Variants in SETD3 observed in about 807,000 individuals in gnomAD.
SETD3 encodes the protein actin-histidine N-methyltransferase.
SETD3 carries 19 observed loss-of-function variants against 63.0 expected under a neutral mutation model. The ratio of observed to expected loss-of-function variants is 0.30; its 90% CI spans 0.21 to 0.44. The LOEUF is 0.44. SETD3 is among the 20% of genes least tolerant of loss of function. The pLI is 1.00. For missense variants in SETD3, 587 were observed against 728.5 expected (o/e 0.81, Z 2.24); for synonymous variants, 286 against 264.1 (o/e 1.08, Z -0.80).
At chr14:99,443,378 A>T (rs920633758) in intron 6 of SETD3, among the ~76,000 whole-genome samples, 5 of 148,440 alleles carry the variant, frequency 3.4e-5, no homozygotes, top group African/African-American at 5.0e-5. Context: ...CAGCCTCTTG[A>T]GTAGCTGGGA....
At chr14:99,407,388 C>G (rs941736572) in intron 8 of SETD3, among the ~76,000 whole-genome samples, 1 of 152,184 alleles carries the variant, frequency 6.6e-6, no homozygotes, top group African/African-American at 2.4e-5. Context: ...TTTGGACTTT[C>G]TTCCTCATTC....
In SETD3 at chr14:99,398,454, T is replaced by A. The variant is rs980660296; in HGVS notation, c.*225A>T. 7.7e-5 allele frequency: 41 copies of A among 531,344 alleles called. No homozygotes were observed. Among genetic ancestry groups the A allele is most frequent in the African/African-American group, 5.3e-4 (28 of 52,842 alleles). 32.9% of individuals were successfully genotyped at this position (531,344 alleles called of 1,614,324 possible). A position where few individuals can be genotyped will look rare whatever the true frequency, so the allele number is the denominator to read the frequency against. On this transcript the variant is annotated 3_prime_UTR_variant, in exon 13 of 13. Transcript: ENST00000331768. ...GGCACCTCTTCTCCCTTTCTTGTGG[T>A]TGTTTGTTAATTGGTTTGTTTTGCC...
chr14:99,423,606 A>AAAAAAAAAAAAAAAAAAC, intron 6 of SETD3, among the ~76,000 whole-genome samples: 1 of 146,928 alleles, frequency 6.8e-6, no homozygotes. Flanking sequence ...AAAAAAAAAA[A>AAAAAAAAAAAAAAAAAAC]AAAAAAAAGA....
chr14:99,452,929 C>G (rs1269996055), intron 6 of SETD3, among the ~76,000 whole-genome samples: 1 of 152,160 alleles, frequency 6.6e-6, no homozygotes, highest in Admixed American at 6.5e-5. Context: ...AATGGGAAAT[C>G]ACAGATAAAA....
At chr14:99,417,673 GAATCCCT>G (rs1372809214) in intron 6 of SETD3, among the ~76,000 whole-genome samples, 1 of 152,284 alleles carries the variant, frequency 6.6e-6, no homozygotes, top group East Asian at 1.9e-4. Flanking sequence ...ATTATTATGT[GAATCCCT>G]AATTCAGAAA....
chr14:99,455,084 T>G (rs1053575480), intron 6 of SETD3, among the ~76,000 whole-genome samples: 1 of 152,266 alleles, frequency 6.6e-6, no homozygotes, highest in Non-Finnish European at 1.5e-5. Flanking sequence ...GCAAATGAAC[T>G]ATACAATACA....
At chr14:99,404,375 T>C (rs1241081301) in intron 10 of SETD3, 65 bp from the exon 11 acceptor site, 1 of 1,416,786 alleles carries the variant, frequency 7.1e-7, no homozygotes, top group Non-Finnish European at 1.0e-6. Context: ...CAAACTGAGA[T>C]TCCTTAAGTC....
At chr14:99,474,831 A>AAAAT (rs199608028) in intron 1 of SETD3, among the ~76,000 whole-genome samples, 27 of 152,208 alleles carry the variant, frequency 1.8e-4, no homozygotes, top group African/African-American at 6.3e-4. Flanking sequence ...CTGTGTCTCA[A>AAAAT]AAATAAATAA....
intron 6 of SETD3, among the ~76,000 whole-genome samples, chr14:99,430,964 C>T (rs1426593730): frequency 6.6e-6 from 1 of 152,240 alleles, no homozygotes; most frequent in African/African-American, 2.4e-5. Flanking sequence ...TGAGTGCCTA[C>T]TGTGTGCCAG....
intron 1 of SETD3, among the ~76,000 whole-genome samples, chr14:99,476,017 T>C (rs1437885013): frequency 1.3e-5 from 2 of 152,252 alleles, no homozygotes; most frequent in Admixed American, 6.5e-5. Flanking sequence ...CTGTGTCCTA[T>C]GGAAGTTCTC....
intron 6 of SETD3, among the ~76,000 whole-genome samples, chr14:99,445,281 T>C (rs1015044322): frequency 6.6e-6 from 1 of 152,226 alleles, no homozygotes; most frequent in African/African-American, 2.4e-5. Context: ...CAAAGATCCA[T>C]CAGCACCAGC....
At chr14:99,400,004 G>T in intron 12 of SETD3, 95 bp downstream of exon 12, 1 of 1,167,446 alleles carries the variant, frequency 8.6e-7, no homozygotes, top group Non-Finnish European at 1.2e-6. Context: ...ACCTCCCAAA[G>T]TGCTGGGATT....
At chr14:99,464,856 T>C (rs1477754428) in intron 2 of SETD3, among the ~76,000 whole-genome samples, 1 of 152,234 alleles carries the variant, frequency 6.6e-6, no homozygotes, top group Non-Finnish European at 1.5e-5. Context: ...AAAAATCAGA[T>C]ACACAGCCAG....
At chr14:99,460,247 C>T (rs1413276581) in intron 4 of SETD3, among the ~76,000 whole-genome samples, 1 of 152,118 alleles carries the variant, frequency 6.6e-6, no homozygotes, top group Admixed American at 6.5e-5. Flanking sequence ...ATCAATCTAT[C>T]AATGAAAGGT....
At chr14:99,467,768 G>C (rs1895470559) in intron 1 of SETD3, among the ~76,000 whole-genome samples, 1 of 152,172 alleles carries the variant, frequency 6.6e-6, no homozygotes, top group South Asian at 2.1e-4. Flanking sequence ...TTAACAGTAA[G>C]TGAGCCTGGG....
intron 6 of SETD3, among the ~76,000 whole-genome samples, chr14:99,430,567 C>T (rs1484174042): frequency 6.6e-6 from 1 of 152,198 alleles, no homozygotes; most frequent in African/African-American, 2.4e-5. Flanking sequence ...GACCTGCAAA[C>T]AACGAACATT....
chr14:99,480,241 T>G (rs1322393693), intron 1 of SETD3, among the ~76,000 whole-genome samples: 1 of 149,712 alleles, frequency 6.7e-6, no homozygotes, highest in Non-Finnish European at 1.5e-5. Flanking sequence ...AGCAGCGGGG[T>G]GACGGGAGGA....
At chr14:99,458,207 TA>T (rs1894866960) in intron 6 of SETD3, 71 bp downstream of exon 6, 2 of 1,484,054 alleles carry the variant, frequency 1.3e-6, no homozygotes, top group Non-Finnish European at 1.8e-6. Flanking sequence ...TCAAATGGAA[TA>T]TTTATGGACT....
At chr14:99,427,705 G>A (rs566580071) in intron 6 of SETD3, among the ~76,000 whole-genome samples, 2 of 152,260 alleles carry the variant, frequency 1.3e-5, no homozygotes, top group African/African-American at 2.4e-5. Context: ...TGTCTGCTGC[G>A]TGCAAGGCAT....
Sources: allele counts gnomAD v4.1 joint callset (sites outside exome capture counted in the v4.1 genomes callset), GRCh38; gene constraint gnomAD v4.1.1; transcripts MANE v1.5; gene names NCBI Gene and HGNC (gene_info 2026-07-23, HGNC 2026-07-21).